Variants in URB1 observed in about 807,000 individuals in gnomAD.
URB1 encodes the protein nucleolar pre-ribosomal-associated protein 1.
Under a neutral mutation model 242.3 loss-of-function variants are expected in URB1, and 197 were observed. That is an observed-to-expected ratio of 0.81 (90% CI 0.72 to 0.91). The LOEUF is 0.91. URB1 is among the 40% of genes least tolerant of loss of function. URB1 has a pLI of 0.00. For missense variants in URB1, 2,721 were observed against 2,860.5 expected (o/e 0.95, Z 1.11); for synonymous variants, 1,153 against 1,201.8 (o/e 0.96, Z 0.84).
In URB1 at chr21:32,347,866, G is replaced by T. The variant is rs1334567677; in HGVS notation, c.3013-55C>A. 45 of 1,471,274 alleles carry T rather than the reference G, an allele frequency of 3.1e-5. No individual in the cohort carries two copies. The East Asian group carries it at 1.1e-3, about 37-fold the overall frequency. The allele number at this position is 1,471,274 out of a possible 1,614,324, so 91.1% of individuals were successfully genotyped here. ...ACATAGAGCACAGGGCTAAGACAGG[G>T]GCGGCAGCTGCCACGCAAGTATTCA... On this transcript the variant is annotated intron_variant, in intron 21 of 38. Transcript: ENST00000382751.
intron 10 of URB1, 26 bp downstream of exon 10, chr21:32,366,592 G>C: frequency 6.4e-7 from 1 of 1,550,740 alleles, no homozygotes; most frequent in Non-Finnish European, 8.7e-7. Flanking sequence ...GGCAGTTCCA[G>C]AAGTGGGGCA....
rs2033559552 is a variant in URB1, at chr21:32,384,461, T to C, written c.286A>G (p.Met96Val). 6.4e-7 allele frequency: 1 copy of C among 1,550,560 alleles called. No individual in the cohort carries two copies. Among genetic ancestry groups the C allele is most frequent in the Non-Finnish European group, 8.7e-7 (1 of 1,145,964 alleles). ...SGEKRPESET[M>V]LIFQVFEAIL... is the part of the protein sequence containing the mutation. ...GCCTCGAAAACTTGAAATATTAACA[T>C]CGTCTGCAAAGACAGAATTGAAACG... The change falls in exon 3 of 39, where the codon ATG becomes GTG. Residue 96 changes from methionine to valine, a missense_variant. Coordinates refer to ENST00000382751, the MANE Select transcript of URB1 (RefSeq NM_014825.3).
intron 36 of URB1, among the ~76,000 whole-genome samples, chr21:32,318,585 T>C (rs1452658427): frequency 6.6e-6 from 1 of 152,226 alleles, no homozygotes; most frequent in Non-Finnish European, 1.5e-5. Context: ...CCTTCTGAGA[T>C]TACAATCCTC....
At chr21:32,388,719 C>G (rs1034955564) in intron 1 of URB1, among the ~76,000 whole-genome samples, 11 of 152,200 alleles carry the variant, frequency 7.2e-5, no homozygotes, top group African/African-American at 2.7e-4. Flanking sequence ...ATAGCAAGGG[C>G]TGTTAATACA....
In URB1 at chr21:32,311,696, G is replaced by C; in HGVS notation, c.*3222C>G. On this transcript the variant is annotated 3_prime_UTR_variant, in exon 39 of 39. Coordinates refer to ENST00000382751, the MANE Select transcript of URB1 (RefSeq NM_014825.3). ...GCTCTGTTCACAGGAACAGCCCCAAGCACCACCAAACATGCCCCTGGAGTC... is the reference window on the plus strand; with the variant it reads ...GCTCTGTTCACAGGAACAGCCCCAACCACCACCAAACATGCCCCTGGAGTC... 1 of 1,613,918 alleles carries C rather than the reference G, an allele frequency of 6.2e-7. No individual in the cohort carries two copies. Among genetic ancestry groups the C allele is most frequent in the Non-Finnish European group, 8.5e-7 (1 of 1,179,948 alleles).
intron 20 of URB1, among the ~76,000 whole-genome samples, chr21:32,350,426 C>G (rs2033143867): frequency 6.6e-6 from 1 of 152,194 alleles, no homozygotes; most frequent in African/African-American, 2.4e-5. Context: ...ACAAAAAAAA[C>G]AAAGGCCCGG....
At position 32,316,517 on chromosome 21, in the gene URB1, T is replaced by C. The variant is rs948146022; in HGVS notation, c.6583A>G (p.Met2195Val). Residue 2195 changes from methionine (M) to valine (V), a missense_variant, in exon 38 of 39, where the codon ATG (methionine) becomes GTG (valine). By Grantham distance (21) the Met-to-Val change is conservative. Transcript: ENST00000382751. ...GRAGSPFHPAMEALSLSSLSE... is the reference protein window; with the variant it reads ...GRAGSPFHPAVEALSLSSLSE... ...AGAGAAGACAGGGAGAGGGCTTCCATGGCCGGGTGGAAGGGGCTCCCTGCC... is the reference window on the plus strand; with the variant it reads ...AGAGAAGACAGGGAGAGGGCTTCCACGGCCGGGTGGAAGGGGCTCCCTGCC... The C allele has an allele frequency of 7.1e-6, 11 of 1,548,516 alleles. No individual in the cohort carries two copies. Among genetic ancestry groups the C allele is most frequent in the Middle Eastern group, 1.7e-4 (1 of 5,970 alleles).
chr21:32,385,687 G>GA lies in URB1; in HGVS notation c.143-4dup. 4 of 1,543,892 alleles carry GA rather than the reference G, an allele frequency of 2.6e-6. No individual in the cohort carries two copies. Among genetic ancestry groups the GA allele is most frequent in the Non-Finnish European group, 3.5e-6 (4 of 1,144,798 alleles). ...AGCAGACACAAACGCTTCCAAGCCT[G>GA]AAAAAAAAGTTATGTTCAAACATTA... On this transcript the variant is annotated splice_polypyrimidine_tract_variant and splice_region_variant and intron_variant, in intron 1 of 38. Transcript: ENST00000382751.
At chr21:32,362,438 C>T (rs904734556) in intron 11 of URB1, among the ~76,000 whole-genome samples, 1 of 152,094 alleles carries the variant, frequency 6.6e-6, no homozygotes, top group Non-Finnish European at 1.5e-5. Context: ...GAACTCCTGA[C>T]CTCAGGTGAT....
Position 32,314,891 on chromosome 21 carries a change from AGG to A in URB1, c.*25_*26del. ...TGCTGTGCTCGAGGCTCTGGTCATC[AGG>A]GTGCAAGGTGCTGGCCGGCAGGAGT... On this transcript the variant is annotated 3_prime_UTR_variant, in exon 39 of 39. Transcript: ENST00000382751. 6.5e-7 allele frequency: 1 copy of A among 1,541,040 alleles called. No individual in the cohort carries two copies. Among genetic ancestry groups the A allele is most frequent in the Non-Finnish European group, 8.8e-7 (1 of 1,141,040 alleles).
In URB1 at chr21:32,314,502, A is replaced by T; in HGVS notation, c.*416T>A. The T allele has an allele frequency of 3.3e-6, 5 of 1,535,312 alleles. No individual in the cohort carries two copies. The highest frequency in any genetic ancestry group is 4.5e-6 in the Non-Finnish European group (5 of 1,108,464). On this transcript the variant is annotated 3_prime_UTR_variant, in exon 39 of 39. Transcript: ENST00000382751. ...ACCTGCTGAAAAATAAACTTTAAAC[A>T]TCTCTCTTCGTTTTCATAAAAAAAA...
At chr21:32,337,338 C>T (rs2032971862) in intron 27 of URB1, 66 bp downstream of exon 27, 2 of 1,451,940 alleles carry the variant, frequency 1.4e-6, no homozygotes, top group East Asian at 5.0e-5. Flanking sequence ...CATTCCCTAT[C>T]TCTGCTCACA....
rs945215429 is a variant in URB1, at chr21:32,366,732, A to C, written c.1221T>G (p.Ile407Met). ...LNKIYEAQPE[I>M]SRAFQTREFI... Reference sequence around the variant, plus strand: ...ACTCTCTGGTCTGAAATGCCCGGGAAATCTCCGGCTGAGCCTCATAGATCT... The same window carrying C: ...ACTCTCTGGTCTGAAATGCCCGGGACATCTCCGGCTGAGCCTCATAGATCT... The change falls in exon 10 of 39, where the codon ATT becomes ATG. Residue 407 changes from isoleucine to methionine, a missense_variant. Transcript: ENST00000382751. The C allele has an allele frequency of 6.4e-7, 1 of 1,551,442 alleles. No individual in the cohort carries two copies. The highest frequency in any genetic ancestry group is 1.4e-5 in the African/African-American group (1 of 73,028).
Position 32,344,702 on chromosome 21 carries a change from C to A in URB1, c.4125G>T (p.Leu1375=), listed in dbSNP as rs1358376778. ...SAALEGSAEE[L]CAWRRTLLES... ...CCAAAAGGGTCCTTCTCCAGGCACACAGCTCTTCTGCTGACCCTTCCAGAG... is the reference window on the plus strand; with the variant it reads ...CCAAAAGGGTCCTTCTCCAGGCACAAAGCTCTTCTGCTGACCCTTCCAGAG... The change falls in exon 24 of 39, where the codon CTG becomes CTT. Residue 1375 remains leucine (L), a synonymous_variant. Transcript: ENST00000382751. The A allele has an allele frequency of 1.3e-6, 2 of 1,552,266 alleles. No individual in the cohort carries two copies. Among genetic ancestry groups the A allele is most frequent in the Admixed American group, 2.0e-5 (1 of 51,004 alleles).
At position 32,375,386 on chromosome 21, in the gene URB1, C is replaced by T; in HGVS notation, c.750+12G>A. 2 of 1,490,420 alleles carry T rather than the reference C, an allele frequency of 1.3e-6. No individual in the cohort carries two copies. Among genetic ancestry groups the T allele is most frequent in the Non-Finnish European group, 1.8e-6 (2 of 1,110,304 alleles). 92.3% of individuals were successfully genotyped at this position (1,490,420 alleles called of 1,614,324 possible). ...AAACAGACAACAGAAACGCGGATCA[C>T]CAAGCACATACCTTTGTTTTCAGTG... On this transcript the variant is annotated intron_variant, in intron 6 of 38. Coordinates refer to ENST00000382751, the MANE Select transcript of URB1 (RefSeq NM_014825.3).
chr21:32,315,979 G>C (rs1199057302), intron 38 of URB1, among the ~76,000 whole-genome samples: 1 of 152,232 alleles, frequency 6.6e-6, no homozygotes, highest in African/African-American at 2.4e-5. Flanking sequence ...CATTCACACT[G>C]CTAGGCTCCT....
chr21:32,315,200 G>A (rs2123535358), intron 38 of URB1, 101 bp from the exon 39 acceptor site: 2 of 1,289,194 alleles, frequency 1.6e-6, no homozygotes, highest in East Asian at 5.5e-5. Flanking sequence ...GTGCCCAAAT[G>A]AACCGTGCCA....
chr21:32,322,164 T>C (rs2032775034), intron 33 of URB1, among the ~76,000 whole-genome samples: 1 of 152,216 alleles, frequency 6.6e-6, no homozygotes, highest in South Asian at 2.1e-4. Context: ...GTCAGATAAG[T>C]ATTCTATAAA....
chr21:32,366,807 C>G (rs2033352291), intron 9 of URB1, 52 bp from the exon 10 acceptor site: 1 of 1,534,108 alleles, frequency 6.5e-7, no homozygotes, highest in African/African-American at 1.4e-5. Flanking sequence ...AGTTTCAAAC[C>G]TGAGACTAGC....
Sources: allele counts gnomAD v4.1 joint callset (sites outside exome capture counted in the v4.1 genomes callset), GRCh38; gene constraint gnomAD v4.1.1; transcripts MANE v1.5; gene names NCBI Gene and HGNC (gene_info 2026-07-23, HGNC 2026-07-21).